DNAJB7: variants seen among roughly 807,000 people sequenced by gnomAD.
DNAJB7 encodes DnaJ heat shock protein family (Hsp40) member B7.
DNAJB7 carries 1 observed loss-of-function variant against 1.2 expected under a neutral mutation model. The ratio of observed to expected loss-of-function variants is 0.84; its 90% CI spans 0.30 to 4.01. The LOEUF is 4.01. Among genes scored for constraint, DNAJB7 ranks in the 30% most tolerant of loss-of-function variants. The probability of loss-of-function intolerance (pLI) is 0.18; values close to 1 mark genes in which losing one functional copy is unlikely to be tolerated. For missense variants in DNAJB7, 420 were observed against 358.5 expected, an observed-to-expected ratio of 1.17 and a Z score of -1.39; for synonymous variants, 128 against 127.7, an observed-to-expected ratio of 1.00 and a Z score of -0.01.
Position 40,860,463 on chromosome 22 carries a change from C to A in DNAJB7, c.*602G>T, listed in dbSNP as rs1601484316. The A allele has an allele frequency of 7.6e-6, 3 of 392,478 alleles. No homozygotes were observed. The highest frequency in any genetic ancestry group is 1.3e-5 in the Non-Finnish European group (3 of 225,922). The allele number at this position is 392,478 out of a possible 1,614,324, so 24.3% of individuals were successfully genotyped here. On this transcript the variant is annotated 3_prime_UTR_variant, in exon 1 of 1. Transcript: ENST00000307221. ...TTATAATGCATCAAATGCTGTTCCT[C>A]CATTGGAAAACAGCCATTTCATGAA...
Position 40,860,927 on chromosome 22 carries a change from A to T in DNAJB7, c.*138T>A. 1 of 868,344 alleles carries T rather than the reference A, an allele frequency of 1.2e-6. No homozygotes were observed. Among genetic ancestry groups the T allele is most frequent in the Non-Finnish European group, 1.7e-6 (1 of 585,362 alleles). 53.8% of individuals were successfully genotyped at this position (868,344 alleles called of 1,614,324 possible). On this transcript the variant is annotated 3_prime_UTR_variant, in exon 1 of 1. Transcript: ENST00000307221. ...CTTTTCTGACATACCCATTCAAAAA[A>T]ACTACTAACCAAATGTCCACAATCC...
chr22:40,861,297 A>G lies in DNAJB7; in HGVS notation c.698T>C (p.Phe233Ser). 1 of 1,614,170 alleles carries G rather than the reference A, an allele frequency of 6.2e-7. No individual in the cohort carries two copies. Among genetic ancestry groups the G allele is most frequent in the East Asian group, 2.2e-5 (1 of 44,874 alleles). The change falls in exon 1 of 1, where the codon TTT (phenylalanine) becomes TCT (serine). Residue 233 changes from phenylalanine (F) to serine (S), a missense_variant. Coordinates refer to ENST00000307221, the MANE Select transcript of DNAJB7 (RefSeq NM_145174.2). ...LVNSVANEEGFAKECSWRTQS... is the reference protein window; with the variant it reads ...LVNSVANEEGSAKECSWRTQS... ...TGTTCTCCAGCTGCATTCTTTTGCAAAGCCCTCTTCATTGGCCACACTATT... is the reference window on the plus strand; with the variant it reads ...TGTTCTCCAGCTGCATTCTTTTGCAGAGCCCTCTTCATTGGCCACACTATT...
rs1270988274 is a variant in DNAJB7, at chr22:40,860,684, A to C, written c.*381T>G. The C allele has an allele frequency of 3.3e-6, 4 of 1,199,994 alleles. No individual in the cohort carries two copies. Among genetic ancestry groups the C allele is most frequent in the Non-Finnish European group, 4.6e-6 (4 of 868,420 alleles). The allele number at this position is 1,199,994 out of a possible 1,614,324, so 74.3% of individuals were successfully genotyped here. A position where few individuals can be genotyped will look rare whatever the true frequency, so the allele number is the denominator to read the frequency against. On this transcript the variant is annotated 3_prime_UTR_variant, in exon 1 of 1. Coordinates refer to ENST00000307221, the MANE Select transcript of DNAJB7 (RefSeq NM_145174.2). ...TTTTTTTTTTTTAAGACAGGGTCTT[A>C]CTTTGTCACCCAAGCTGGAGTGCAG... is the stretch of plus-strand genomic sequence containing the variant.
Position 40,861,025 on chromosome 22 carries a change from A to G in DNAJB7, c.*40T>C, listed in dbSNP as rs765969927. On this transcript the variant is annotated 3_prime_UTR_variant, in exon 1 of 1. Coordinates refer to ENST00000307221, the MANE Select transcript of DNAJB7 (RefSeq NM_145174.2). ...CAAAATTTGTGATTAACCAAAACACACACAATTGTGTTCAAATGTTATATA... is the reference window on the plus strand; with the variant it reads ...CAAAATTTGTGATTAACCAAAACACGCACAATTGTGTTCAAATGTTATATA... 3 of 1,528,530 alleles carry G rather than the reference A, an allele frequency of 2.0e-6. No individual in the cohort carries two copies. Among genetic ancestry groups the G allele is most frequent in the Non-Finnish European group, 2.6e-6 (3 of 1,139,202 alleles). 94.7% of individuals were successfully genotyped at this position (1,528,530 alleles called of 1,614,324 possible).
Position 40,861,384 on chromosome 22 carries a change from A to G in DNAJB7, c.611T>C (p.Ile204Thr). The part of the protein sequence containing the change: ...VNGRNINTKK[I>T]IESDQEREAE... ...TTCTCTTTCTTGATCACTTTCAATA[A>G]TTTTCTTTGTATTAATATTTCTGCC... Residue 204 changes from isoleucine to threonine, a missense_variant, in exon 1 of 1, where the codon ATT (isoleucine) becomes ACT (threonine). By Grantham distance (89) the Ile-to-Thr change is moderately conservative. Coordinates refer to ENST00000307221, the MANE Select transcript of DNAJB7 (RefSeq NM_145174.2). The G allele has an allele frequency of 6.2e-7, 1 of 1,613,600 alleles. No homozygotes were observed.
Position 40,860,750 on chromosome 22 carries a change from T to C in DNAJB7, c.*315A>G, listed in dbSNP as rs1268023252. 1.3e-6 allele frequency: 1 copy of C among 768,560 alleles called. No homozygotes were observed. The highest frequency in any genetic ancestry group is 2.0e-6 in the Non-Finnish European group (1 of 490,216). The allele number at this position is 768,560 out of a possible 1,614,324, so 47.6% of individuals were successfully genotyped here. ...ACACTGCAACCTATGTCTTCCAGGC[T>C]CAAGCAGTCTTTCTACCAGCTTCCC... On this transcript the variant is annotated 3_prime_UTR_variant, in exon 1 of 1. Coordinates refer to ENST00000307221, the MANE Select transcript of DNAJB7 (RefSeq NM_145174.2).
Position 40,861,325 on chromosome 22 carries a change from C to A in DNAJB7, c.670G>T (p.Val224Leu). The change falls in exon 1 of 1, where the codon GTA (valine) becomes TTA (leucine). Residue 224 changes from valine to leucine, a missense_variant. Coordinates refer to ENST00000307221, the MANE Select transcript of DNAJB7 (RefSeq NM_145174.2). Reference protein sequence around the residue: ...EDNGELTFFLVNSVANEEGFA... With the variant: ...EDNGELTFFLLNSVANEEGFA... ...CCCTCTTCATTGGCCACACTATTTA[C>A]AAGAAAAAATGTCAACTCTCCATTA... The A allele has an allele frequency of 6.2e-7, 1 of 1,614,110 alleles. No individual in the cohort carries two copies. The highest frequency in any genetic ancestry group is 8.5e-7 in the Non-Finnish European group (1 of 1,180,022).
rs2057937195 is a variant in DNAJB7 at position 40,860,631 on chromosome 22, AAAC to A, written c.*431_*433del. 15 of 1,316,320 alleles carry A rather than the reference AAAC, an allele frequency of 1.1e-5. No individual in the cohort carries two copies. Among genetic ancestry groups the A allele is most frequent in the Non-Finnish European group, 1.3e-5 (13 of 982,954 alleles). The allele number at this position is 1,316,320 out of a possible 1,614,324, so 81.5% of individuals were successfully genotyped here. On this transcript the variant is annotated 3_prime_UTR_variant, in exon 1 of 1. Transcript: ENST00000307221. ...TACTAAAGAAAAATTCAAAAGTAAAAAACTCATTGCAGTTTTCCAAATTCCTTT... is the reference window on the plus strand; with the variant it reads ...TACTAAAGAAAAATTCAAAAGTAAAATCATTGCAGTTTTCCAAATTCCTTT...
Position 40,861,589 on chromosome 22 carries a change from A to G in DNAJB7, c.406T>C (p.Tyr136His), listed in dbSNP as rs1164386843. The G allele has an allele frequency of 1.2e-6, 2 of 1,613,252 alleles. No individual in the cohort carries two copies. The highest frequency in any genetic ancestry group is 1.7e-5 in the Admixed American group (1 of 59,830). Residue 136 changes from tyrosine to histidine, a missense_variant, in exon 1 of 1, where the codon TAC (tyrosine) becomes CAC (histidine). Coordinates refer to ENST00000307221, the MANE Select transcript of DNAJB7 (RefSeq NM_145174.2). ...SYGNRNRDAGYFFSTASEYPI... is the reference protein window; with the variant it reads ...SYGNRNRDAGHFFSTASEYPI... ...TATTCACTGGCAGTGGAGAAAAAGT[A>G]TCCTGCATCTCTGTTTCTGTTTCCA...
In DNAJB7 at chr22:40,861,243, G is replaced by C; in HGVS notation, c.752C>G (p.Ser251Cys). The C allele has an allele frequency of 1.2e-6, 2 of 1,614,146 alleles. No individual in the cohort carries two copies. The highest frequency in any genetic ancestry group is 1.7e-6 in the Non-Finnish European group (2 of 1,180,018). Residue 251 changes from serine (S) to cysteine (C), a missense_variant, in exon 1 of 1, where the codon TCT (serine) becomes TGT (cysteine). Physicochemically the swap from Ser to Cys is moderately radical, Grantham distance 112 (BLOSUM62 -1). Coordinates refer to ENST00000307221, the MANE Select transcript of DNAJB7 (RefSeq NM_145174.2). Reference protein sequence around the residue: ...TQSFNNYSPNSHSSKHVSQYT... With the variant: ...TQSFNNYSPNCHSSKHVSQYT... Reference sequence around the variant, plus strand: ...TTGAGATACATGTTTGGAGCTGTGAGAATTTGGTGAATAGTTGTTGAATGA... The same window carrying C: ...TTGAGATACATGTTTGGAGCTGTGACAATTTGGTGAATAGTTGTTGAATGA...
In DNAJB7 at chr22:40,861,771, C is replaced by T; in HGVS notation, c.224G>A (p.Gly75Glu). 6.2e-7 allele frequency: 1 copy of T among 1,613,500 alleles called. No homozygotes were observed. Among genetic ancestry groups the T allele is most frequent in the Non-Finnish European group, 8.5e-7 (1 of 1,179,824 alleles). ...TTCATCATCAAAATGACTTCCACCT[C>T]CGTTTAATCCTTCTGTGCCATATTT... The part of the protein sequence containing the change: ...YDKYGTEGLN[G>E]GGSHFDDECE... Residue 75 changes from glycine to glutamate, a missense_variant, in exon 1 of 1, where the codon GGA (glycine) becomes GAA (glutamate). Gly to Glu is a moderately conservative substitution (Grantham distance 98). Transcript: ENST00000307221.
chr22:40,861,334 AT>A, the DNAJB7 span: 1 of 1,614,176 alleles, frequency 6.2e-7, no homozygotes, highest in Non-Finnish European at 8.5e-7. Flanking sequence ...ACAAGAAAAA[AT>A]GTCAACTCTC....
In DNAJB7 at chr22:40,861,889, G is replaced by C; in HGVS notation, c.106C>G (p.Pro36Ala). The C allele has an allele frequency of 1.2e-6, 2 of 1,613,650 alleles. No individual in the cohort carries two copies. ...VALKWHPDKN[P>A]ENKEEAERKF... ...CTCTCTGCTTCTTCTTTATTTTCTG[G>C]ATTTTTATCAGGGTGCCATTTAAGT... The change falls in exon 1 of 1, where the codon CCA (proline) becomes GCA (alanine). Residue 36 changes from proline (P) to alanine (A), a missense_variant. Transcript: ENST00000307221.
At position 40,860,602 on chromosome 22, in the gene DNAJB7, A is replaced by C; in HGVS notation, c.*463T>G. On this transcript the variant is annotated 3_prime_UTR_variant, in exon 1 of 1. Transcript: ENST00000307221. ...TAGAAAAAAGAAAAATAGGCTATAA[A>C]CTCTACTAAAGAAAAATTCAAAAGT... is the stretch of plus-strand genomic sequence containing the variant. The C allele has an allele frequency of 8.0e-7, 1 of 1,257,176 alleles. No individual in the cohort carries two copies. Among genetic ancestry groups the C allele is most frequent in the Non-Finnish European group, 1.1e-6 (1 of 943,592 alleles). 77.9% of individuals were successfully genotyped at this position (1,257,176 alleles called of 1,614,324 possible). A position where few individuals can be genotyped will look rare whatever the true frequency, so the allele number is the denominator to read the frequency against.
Position 40,859,694 on chromosome 22 carries a change from C to T in DNAJB7, c.*1371G>A, listed in dbSNP as rs917213397. The T allele has an allele frequency of 6.6e-6, 1 of 152,148 alleles. No individual in the cohort carries two copies. Among genetic ancestry groups the T allele is most frequent in the African/African-American group, 2.4e-5 (1 of 41,424 alleles). The allele number at this position is 152,148 out of a possible 1,614,324, so 9.4% of individuals were successfully genotyped here. A position where few individuals can be genotyped will look rare whatever the true frequency, so the allele number is the denominator to read the frequency against. ...CAAATACCGATACAAAACACAAGCT[C>T]TTGACTATAGCTGTCTTTTAAAAAT... On this transcript the variant is annotated 3_prime_UTR_variant, in exon 1 of 1. Coordinates refer to ENST00000307221, the MANE Select transcript of DNAJB7 (RefSeq NM_145174.2).
In DNAJB7 at chr22:40,860,564, T is replaced by G; in HGVS notation, c.*501A>C. ...GCTATGCATGTTTCGTAAGTTTGTA[T>G]AGTGGTTTTAATTAGAAAAAAGAAA... On this transcript the variant is annotated 3_prime_UTR_variant, in exon 1 of 1. Transcript: ENST00000307221. 9.7e-7 allele frequency: 1 copy of G among 1,029,652 alleles called. No homozygotes were observed. The highest frequency in any genetic ancestry group is 1.6e-5 in the African/African-American group (1 of 61,100). 63.8% of individuals were successfully genotyped at this position (1,029,652 alleles called of 1,614,324 possible). A position where few individuals can be genotyped will look rare whatever the true frequency, so the allele number is the denominator to read the frequency against.
rs776514602 is a variant in DNAJB7, at chr22:40,861,689, A to G, written c.306T>C (p.His102=). 4 of 1,614,026 alleles carry G rather than the reference A, an allele frequency of 2.5e-6. No individual in the cohort carries two copies. In the African/African-American group the frequency reaches 4.0e-5, roughly 16 times the overall value. ...AGTGAAAAGAAAATGGATCCCTTTC[A>G]TGAAAAATTTCTTTAAAAACATCAT... ...KPDDVFKEIF[H]ERDPFSFHFF... Residue 102 remains histidine, a synonymous_variant, in exon 1 of 1, where the codon CAT becomes CAC. Transcript: ENST00000307221.
At position 40,861,141 on chromosome 22, in the gene DNAJB7, C is replaced by G; in HGVS notation, c.854G>C (p.Gly285Ala). ...TTTCCTCTTACCACCCTCTTTGACT[C>G]CTGCTGAGAAAATAGGGGGATCTCT... The part of the protein sequence containing the change: ...SNRDPPIFSA[G>A]VKEGGKRKKK... Residue 285 changes from glycine (G) to alanine (A), a missense_variant, in exon 1 of 1, where the codon GGA (glycine) becomes GCA (alanine). Physicochemically the swap from Gly to Ala is moderately conservative, Grantham distance 60 (BLOSUM62 0). Coordinates refer to ENST00000307221, the MANE Select transcript of DNAJB7 (RefSeq NM_145174.2). 1 of 1,614,044 alleles carries G rather than the reference C, an allele frequency of 6.2e-7. No individual in the cohort carries two copies. The highest frequency in any genetic ancestry group is 2.2e-5 in the East Asian group (1 of 44,872).
In DNAJB7 at chr22:40,860,036, A is replaced by T. The variant is rs1325178392; in HGVS notation, c.*1029T>A. 6.6e-6 allele frequency: 1 copy of T among 152,220 alleles called. No individual in the cohort carries two copies. Among genetic ancestry groups the T allele is most frequent in the Admixed American group, 6.5e-5 (1 of 15,270 alleles). 9.4% of individuals were successfully genotyped at this position (152,220 alleles called of 1,614,324 possible). A position where few individuals can be genotyped will look rare whatever the true frequency, so the allele number is the denominator to read the frequency against. On this transcript the variant is annotated 3_prime_UTR_variant, in exon 1 of 1. Transcript: ENST00000307221. ...GCCTTTAAAAAAAATGTGGTAAAAT[A>T]TACTACATAAAATTTACCATGTTAC... is the stretch of plus-strand genomic sequence containing the variant.
Sources: allele counts gnomAD v4.1 joint callset, GRCh38; gene constraint gnomAD v4.1.1; transcripts MANE v1.5; gene names NCBI Gene and HGNC (gene_info 2026-07-23, HGNC 2026-07-21).